The following ETS2 variants were observed in gnomAD, a reference collection of about 807,000 sequenced individuals.
ETS2 encodes the protein ETS proto-oncogene 2, transcription factor, also known as protein C-ets-2.
ETS2 carries 19 observed loss-of-function variants against 54.9 expected under a neutral mutation model. That is an observed-to-expected ratio of 0.35 (90% confidence interval 0.24 to 0.51). ETS2 has a LOEUF of 0.51. Ranked by LOEUF, ETS2 falls within the 20% of genes least tolerant of loss-of-function variation. ETS2 has a pLI of 0.97. For synonymous variants in ETS2, 219 were observed against 229.3 expected (o/e 0.95, Z 0.41); for missense variants, 417 against 593.0 (o/e 0.70, Z 3.08).
At position 38,823,198 on chromosome 21, in the gene ETS2, A is replaced by T; in HGVS notation, c.*309A>T. 4.0e-6 allele frequency: 1 copy of T among 252,316 alleles called. No individual in the cohort carries two copies. The highest frequency in any genetic ancestry group is 7.5e-6 in the Non-Finnish European group (1 of 133,210). The allele number at this position is 252,316 out of a possible 1,614,324, so 15.6% of individuals were successfully genotyped here. Reference sequence around the variant, plus strand: ...ATGGTTCTGGCTGTTTGAGATTCTCAAAGGAGCGAGCATGTCGTGGACACA... The same window carrying T: ...ATGGTTCTGGCTGTTTGAGATTCTCTAAGGAGCGAGCATGTCGTGGACACA... On this transcript the variant is annotated 3_prime_UTR_variant, in exon 10 of 10. Coordinates refer to ENST00000360938, the MANE Select transcript of ETS2 (RefSeq NM_005239.6).
At chr21:38,805,914 C>G, upstream of ETS2, 1 of 1,241,856 alleles carries the variant, frequency 8.1e-7, no homozygotes, top group African/African-American at 1.6e-5. This position sits in a 1 kb window ranked among gnomAD's most constrained non-coding sequence, Gnocchi z 5.2. Context: ...GAGCGCGCCG[C>G]GTGGGGGACG....
At position 38,805,950 on chromosome 21, in the gene ETS2, A is replaced by T; in HGVS notation, c.-171A>T. The T allele has an allele frequency of 7.9e-7, 1 of 1,268,220 alleles. No individual in the cohort carries two copies. Among genetic ancestry groups the T allele is most frequent in the Non-Finnish European group, 1.0e-6 (1 of 980,958 alleles). The allele number at this position is 1,268,220 out of a possible 1,614,324, so 78.6% of individuals were successfully genotyped here. On this transcript the variant is annotated 5_prime_UTR_variant, in exon 1 of 10. Coordinates refer to ENST00000360938, the MANE Select transcript of ETS2 (RefSeq NM_005239.6). This position sits in a 1 kb window ranked among gnomAD's most constrained non-coding sequence, Gnocchi z 5.2. ...GCCCGGTTACTTCCTCCAGAGACTG[A>T]CGAGTGCGGTGTCGCTCCAGCTCAG...
At chr21:38,813,866 A>G (rs1368737292) in intron 3 of ETS2, among the ~76,000 whole-genome samples, 1 of 152,238 alleles carries the variant, frequency 6.6e-6, no homozygotes, top group Non-Finnish European at 1.5e-5. Context: ...CGGCACATTC[A>G]TATCACACTC....
intron 9 of ETS2, 44 bp from the exon 10 acceptor site, chr21:38,822,630 T>C (rs576605737): frequency 1.7e-5 from 25 of 1,511,114 alleles, no homozygotes; most frequent in South Asian, 6.9e-5. Context: ...TTTTTCTTCA[T>C]TGACAAATTG....
At chr21:38,819,896 G>GT in intron 8 of ETS2, 130 bp downstream of exon 8, 1 of 857,418 alleles carries the variant, frequency 1.2e-6, no homozygotes, top group Non-Finnish European at 1.8e-6. Context: ...TACACTCCAT[G>GT]TTTTATGCGT....
At chr21:38,811,631 C>T (rs547125147) in intron 2 of ETS2, among the ~76,000 whole-genome samples, 2 of 151,936 alleles carry the variant, frequency 1.3e-5, no homozygotes, top group Non-Finnish European at 1.5e-5. Context: ...ATGATGAATC[C>T]AGATATTATC....
intron 5 of ETS2, 63 bp from the exon 6 acceptor site, chr21:38,816,945 A>G (rs192619285): frequency 1.0e-5 from 9 of 877,690 alleles, no homozygotes; most frequent in African/African-American, 9.9e-5. Flanking sequence ...TCAGAAAGTC[A>G]ATTTGTTCTG....
intron 5 of ETS2, among the ~76,000 whole-genome samples, chr21:38,816,035 G>T (rs2123417402): frequency 7.7e-3 from 1 of 130 alleles, no homozygotes; most frequent in African/African-American, 0.038. Context: ...AGGAAGGAAG[G>T]AAAGAAAGAG....
Position 38,811,469 on chromosome 21 carries a change from A to AAAGC in ETS2, c.72+1364_72+1367dup, listed in dbSNP as rs562857200. 2.8e-3 allele frequency among the ~76,000 whole-genome samples: 428 copies of AAAGC among 152,336 alleles called. 2 individuals are homozygous for AAAGC. The highest frequency in any genetic ancestry group is 9.5e-3 in the African/African-American group (395 of 41,574). On this transcript the variant is annotated intron_variant, in intron 2 of 9. Coordinates refer to ENST00000360938, the MANE Select transcript of ETS2 (RefSeq NM_005239.6). The stretch of plus-strand genomic sequence containing the variant: ...TTCATTGTTCTGCATTTCTAAAAAG[A>AAAGC]AAGCGGGTAACCGATTTTATTTGTA...
At chr21:38,808,745 A>C (rs2060903201) in intron 1 of ETS2, among the ~76,000 whole-genome samples, 1 of 152,218 alleles carries the variant, frequency 6.6e-6, no homozygotes, top group Admixed American at 6.5e-5. Context: ...CGCCACATCC[A>C]GTAAGTTCTA....
In ETS2 at chr21:38,814,975, A is replaced by T; in HGVS notation, c.499A>T (p.Ile167Phe). Residue 167 changes from isoleucine (I) to phenylalanine (F), a missense_variant, in exon 5 of 10, where the codon ATC (isoleucine) becomes TTC (phenylalanine). Physicochemically the swap from Ile to Phe is conservative, Grantham distance 21. Transcript: ENST00000360938. This position sits in a 1 kb window ranked among gnomAD's most constrained non-coding sequence, Gnocchi z 4.2. ...DILWEHLEQM[I>F]KENQEKTEDQ... ...TCTCTGGGAACATCTGGAGCAAATG[A>T]TCAAAGGTACCAGCTGAACGTCTTA... is the stretch of plus-strand genomic sequence containing the variant. 6.2e-7 allele frequency: 1 copy of T among 1,614,050 alleles called. No homozygotes were observed. Among genetic ancestry groups the T allele is most frequent in the Non-Finnish European group, 8.5e-7 (1 of 1,179,930 alleles).
At position 38,821,143 on chromosome 21, in the gene ETS2, C is replaced by T. The variant is rs2060956479; in HGVS notation, c.1076-443C>T. On this transcript the variant is annotated intron_variant, in intron 8 of 9. Coordinates refer to ENST00000360938, the MANE Select transcript of ETS2 (RefSeq NM_005239.6). This position sits in a 1 kb window ranked among gnomAD's most constrained non-coding sequence, Gnocchi z 4.2. ...GGCATGGGATCCCACGTATGACACGCCTCATTCTGTGATGAAACACCCCCT... is the reference window on the plus strand; with the variant it reads ...GGCATGGGATCCCACGTATGACACGTCTCATTCTGTGATGAAACACCCCCT... Among the ~76,000 whole-genome samples, 1 of 152,158 alleles carries T rather than the reference C, an allele frequency of 6.6e-6. No homozygotes were observed. Among genetic ancestry groups the T allele is most frequent in the Non-Finnish European group, 1.5e-5 (1 of 68,028 alleles).
chr21:38,812,930 G>A, intron 2 of ETS2, 73 bp from the exon 3 acceptor site: 2 of 1,068,776 alleles, frequency 1.9e-6, no homozygotes, highest in East Asian at 2.4e-5. Flanking sequence ...ATTGCCCACA[G>A]ACCACTTTTA....
At chr21:38,819,453 C>T in intron 7 of ETS2, 50 bp from the exon 8 acceptor site, 1 of 1,591,732 alleles carries the variant, frequency 6.3e-7, no homozygotes, top group Non-Finnish European at 8.6e-7. Flanking sequence ...GTGCCCAAGA[C>T]CAACTGTGTC....
intron 6 of ETS2, 84 bp downstream of exon 6, chr21:38,817,175 G>A (rs2060938933): frequency 2.3e-6 from 2 of 871,068 alleles, no homozygotes; most frequent in Non-Finnish European, 3.8e-6. Context: ...AGGCTCCTAA[G>A]GGGCCACCTA....
chr21:38,817,653 T>C (rs1258580383), intron 6 of ETS2, among the ~76,000 whole-genome samples: 1 of 152,188 alleles, frequency 6.6e-6, no homozygotes, highest in Non-Finnish European at 1.5e-5. Context: ...GGCTCTGAAC[T>C]TGGGAGCTTA....
intron 1 of ETS2, among the ~76,000 whole-genome samples, chr21:38,807,185 C>G (rs1479823389): frequency 6.6e-6 from 1 of 152,206 alleles, no homozygotes; most frequent in Non-Finnish European, 1.5e-5. Flanking sequence ...ATACTCATTT[C>G]TGGGATTAGT....
rs776620623 is a variant in ETS2 at position 38,805,968 on chromosome 21, C to G, written c.-153C>G. ...GAGACTGACGAGTGCGGTGTCGCTC[C>G]AGCTCAGAGCTCCCGGAGCCGCCCG... On this transcript the variant is annotated 5_prime_UTR_variant, in exon 1 of 10. Transcript: ENST00000360938. This position sits in a 1 kb window ranked among gnomAD's most constrained non-coding sequence, Gnocchi z 5.2. The G allele has an allele frequency of 5.5e-6, 7 of 1,267,686 alleles. No homozygotes were observed. Among genetic ancestry groups the G allele is most frequent in the Non-Finnish European group, 7.1e-6 (7 of 980,560 alleles). 78.5% of individuals were successfully genotyped at this position (1,267,686 alleles called of 1,614,324 possible). A position where few individuals can be genotyped will look rare whatever the true frequency, so the allele number is the denominator to read the frequency against.
chr21:38,822,949 T>A lies in ETS2; in HGVS notation c.*60T>A. ...CGTGGACTGAGTGGGAAGCCCATCC[T>A]GACCAGCTGCTCCGAGGACCCAGGA... On this transcript the variant is annotated 3_prime_UTR_variant, in exon 10 of 10. Transcript: ENST00000360938. 2 of 1,328,910 alleles carry A rather than the reference T, an allele frequency of 1.5e-6. No homozygotes were observed. Among genetic ancestry groups the A allele is most frequent in the Non-Finnish European group, 2.0e-6 (2 of 989,868 alleles). 82.3% of individuals were successfully genotyped at this position (1,328,910 alleles called of 1,614,324 possible).
Sources: gnomAD v4.1 joint callset for allele counts (sites outside exome capture counted in the v4.1 genomes callset) on GRCh38, gnomAD v4.1.1 for gene constraint, Gnocchi (gnomAD v3.1) non-coding constraint, MANE v1.5 for transcripts, NCBI Gene and HGNC (gene_info 2026-07-23, HGNC 2026-07-21) for gene names.